SOX5: variants seen among roughly 807,000 people sequenced by gnomAD.
SOX5 encodes transcription factor SOX-5.
In SOX5, 9 loss-of-function variants were observed where a neutral mutation model predicts 92.0. The observed-to-expected ratio is 0.10, with a 90% CI of 0.06 to 0.17. The LOEUF (loss-of-function observed/expected upper bound fraction) is 0.17, where lower values mean the gene tolerates loss of function less well. Among genes scored for constraint, SOX5 ranks in the 10% least tolerant of loss-of-function variants. The probability of loss-of-function intolerance (pLI) is 1.00; values close to 1 mark genes in which losing one functional copy is unlikely to be tolerated. For synonymous variants in SOX5, 344 were observed against 336.3 expected (o/e 1.02, Z -0.25); for missense variants, 642 against 944.5 (o/e 0.68, Z 4.20).
intron 4 of SOX5, among the ~76,000 whole-genome samples, chr12:24,197,509 T>G (rs1373717497): frequency 6.6e-6 from 1 of 152,188 alleles, no homozygotes; most frequent in African/African-American, 2.4e-5. Flanking sequence ...CCAATACCCC[T>G]TCCCTGGCTC....
At chr12:23,641,742 A>T (rs1469913257) in intron 7 of SOX5, among the ~76,000 whole-genome samples, 1 of 152,198 alleles carries the variant, frequency 6.6e-6, no homozygotes, top group African/African-American at 2.4e-5. Flanking sequence ...AAGAAATATA[A>T]GTAATGTACA....
At chr12:24,366,616 T>C (rs1245845376) in intron 2 of SOX5, among the ~76,000 whole-genome samples, 1 of 152,134 alleles carries the variant, frequency 6.6e-6, no homozygotes, top group Non-Finnish European at 1.5e-5. Flanking sequence ...GTAAAGCACA[T>C]GCACACACAT....
chr12:24,126,000 C>T (rs1186775959), intron 4 of SOX5, among the ~76,000 whole-genome samples: 1 of 152,190 alleles, frequency 6.6e-6, no homozygotes, highest in Non-Finnish European at 1.5e-5. Flanking sequence ...TCCTTTCCTA[C>T]AGGATCTCTC....
At chr12:23,648,163 G>A (rs1300800306) in intron 7 of SOX5, among the ~76,000 whole-genome samples, 2 of 152,064 alleles carry the variant, frequency 1.3e-5, no homozygotes, top group Non-Finnish European at 2.9e-5. Context: ...TAATAATCAA[G>A]TTTGAAATAT....
In SOX5 at chr12:23,534,303, A is replaced by G; in HGVS notation, c.2208T>C (p.Tyr736=). 1 of 1,614,150 alleles carries G rather than the reference A, an allele frequency of 6.2e-7. No individual in the cohort carries two copies. The highest frequency in any genetic ancestry group is 8.5e-7 in the Non-Finnish European group (1 of 1,180,002). Residue 736 remains tyrosine (Y), a synonymous_variant, in exon 15 of 15, where the codon TAT becomes TAC. Transcript: ENST00000451604. ...IQAEDINGEI[Y]DEYDEEEDDP... is the part of the protein sequence containing the mutation. ...CATCCTCTTCCTCGTCGTACTCATC[A>G]TAAATTTCTCCATTGATGTCCTCGG...
At chr12:24,392,706 G>A (rs563500946) in intron 1 of SOX5, among the ~76,000 whole-genome samples, 91 of 152,170 alleles carry the variant, frequency 6.0e-4, no homozygotes, top group South Asian at 1.0e-3. Context: ...CGCTTTGAGA[G>A]CAGGGACTTT....
At chr12:24,455,511 A>G (rs1942904622) in intron 1 of SOX5, among the ~76,000 whole-genome samples, 1 of 152,236 alleles carries the variant, frequency 6.6e-6, no homozygotes, top group Non-Finnish European at 1.5e-5. Context: ...CTGTCCTTCT[A>G]TAAAGTTCAG....
At chr12:24,553,847 T>C (rs557242565) in intron 1 of SOX5, among the ~76,000 whole-genome samples, 1 of 152,254 alleles carries the variant, frequency 6.6e-6, no homozygotes, top group South Asian at 2.1e-4. Flanking sequence ...GAAATTTCTT[T>C]ACATGCTGAT....
intron 4 of SOX5, among the ~76,000 whole-genome samples, chr12:24,188,399 T>A (rs1956215108): frequency 1.3e-5 from 2 of 152,164 alleles, no homozygotes; most frequent in South Asian, 4.1e-4. Context: ...GTATAGACTG[T>A]ACAGAGGAAC....
chr12:23,615,502 T>C (rs2076449284), intron 8 of SOX5, among the ~76,000 whole-genome samples: 1 of 152,156 alleles, frequency 6.6e-6, no homozygotes, highest in Non-Finnish European at 1.5e-5. Flanking sequence ...CCTTTTCCCA[T>C]TCTCTACCTT....
rs548439507 is a variant in SOX5, at chr12:24,248,607, A to G, written c.-77+28609T>C. 1.3e-4 allele frequency among the ~76,000 whole-genome samples: 20 copies of G among 152,206 alleles called. 1 individual carries two copies. In the South Asian group the frequency reaches 4.2e-3, roughly 32 times the overall value. On this transcript the variant is annotated intron_variant, in intron 3 of 4. Transcript: ENST00000446891. ...ACCATGTTGGCCAGGCTGGTCTCTAAATCCTGACTTCAAGTGATCCGCCTG... is the reference window on the plus strand; with the variant it reads ...ACCATGTTGGCCAGGCTGGTCTCTAGATCCTGACTTCAAGTGATCCGCCTG...
chr12:24,115,971 G>A (rs370027190), intron 4 of SOX5, among the ~76,000 whole-genome samples: 78 of 152,156 alleles, frequency 5.1e-4, no homozygotes, highest in African/African-American at 1.7e-3. Context: ...TCCTGTAGGA[G>A]AATAGAACAT....
chr12:24,082,065 A>C (rs541955479), intron 4 of SOX5, among the ~76,000 whole-genome samples: 46 of 152,040 alleles, frequency 3.0e-4, no homozygotes, highest in Non-Finnish European at 1.3e-4. Flanking sequence ...TAGAGGGCTG[A>C]TGCATGGCAT....
chr12:24,140,218 C>A (rs373515076), intron 4 of SOX5, among the ~76,000 whole-genome samples: 2 of 151,818 alleles, frequency 1.3e-5, no homozygotes, highest in African/African-American at 2.4e-5. Flanking sequence ...ATACATACAC[C>A]GTCAAAGATA....
rs776638244 is a variant in SOX5, at chr12:23,740,951, G to A, written c.657C>T (p.Ala219=). The part of the protein sequence containing the change: ...LTSLREQLLA[A]HDEQKKLAAS... The stretch of plus-strand genomic sequence containing the variant: ...CAGCTAGTTTCTTCTGCTCATCGTG[G>A]GCAGCCAACAGCTGCTCTCGGAGGC... The change falls in exon 5 of 15, where the codon GCC becomes GCT. Residue 219 remains alanine, a synonymous_variant. Transcript: ENST00000451604. 5.6e-6 allele frequency: 9 copies of A among 1,611,784 alleles called. No homozygotes were observed. The African/African-American group carries it at 1.2e-4, about 22-fold the overall frequency.
At chr12:23,740,383 C>T (rs11047073) in intron 5 of SOX5, among the ~76,000 whole-genome samples, 24,920 of 152,040 alleles carry the variant, frequency 0.16, 4,109 homozygotes, top group African/African-American at 0.43. Context: ...TCTTTGTCCA[C>T]GGTCATTACC....
At position 24,137,567 on chromosome 12, in the gene SOX5, G is replaced by T. The variant is rs544256480; in HGVS notation, c.-2+75776C>A. Among the ~76,000 whole-genome samples, 4 of 152,260 alleles carry T rather than the reference G, an allele frequency of 2.6e-5. No individual in the cohort carries two copies. In the South Asian group the frequency reaches 8.3e-4, roughly 32 times the overall value. On this transcript the variant is annotated intron_variant, in intron 4 of 4. Coordinates refer to the SOX5 transcript ENST00000446891. ...CAAACACTTGAACCCTGGAGATGGAGGTTGCAGTGAGCAGAAGTCACGCCA... is the reference window on the plus strand; with the variant it reads ...CAAACACTTGAACCCTGGAGATGGATGTTGCAGTGAGCAGAAGTCACGCCA...
Position 24,520,367 on chromosome 12 carries a change from T to G in SOX5, c.-251+41962A>C, listed in dbSNP as rs141623526. ...GTTAGAGGAGGAGAGAGTGAAAGTA[T>G]GGTGGTTTTGCATGCAGTCGAAGCT... On this transcript the variant is annotated intron_variant, in intron 1 of 4. Coordinates refer to the SOX5 transcript ENST00000446891. Among the ~76,000 whole-genome samples the G allele has an allele frequency of 1.1e-4, 16 of 152,216 alleles. No individual in the cohort carries two copies. The East Asian group carries it at 3.1e-3, about 29-fold the overall frequency.
At chr12:24,195,722 T>G (rs1956948855) in intron 4 of SOX5, among the ~76,000 whole-genome samples, 1 of 152,172 alleles carries the variant, frequency 6.6e-6, no homozygotes, top group Non-Finnish European at 1.5e-5. Context: ...ATACAGAATT[T>G]TATGAATCTG....
Sources: gnomAD v4.1 joint callset for allele counts (sites outside exome capture counted in the v4.1 genomes callset) on GRCh38, gnomAD v4.1.1 for gene constraint, MANE v1.5 for transcripts, NCBI Gene and HGNC (gene_info 2026-07-23, HGNC 2026-07-21) for gene names.